Variants in FLT3 observed in about 807,000 individuals in gnomAD.
FLT3 encodes the protein receptor-type tyrosine-protein kinase FLT3.
Under a neutral mutation model 126.6 loss-of-function variants are expected in FLT3, and 46 were observed. That is an observed-to-expected ratio of 0.36 (90% CI 0.29 to 0.46). The LOEUF (loss-of-function observed/expected upper bound fraction) is 0.46, where lower values mean the gene tolerates loss of function less well. Ranked by LOEUF, FLT3 falls within the 20% of genes least tolerant of loss-of-function variation. The pLI, the probability that FLT3 is intolerant of heterozygous loss-of-function variation, is 1.00. For synonymous variants in FLT3, 404 were observed against 434.4 expected (o/e 0.93, Z 0.87); for missense variants, 1,069 against 1,190.3 (o/e 0.90, Z 1.50).
chr13:28,093,530 C>T (rs1314173952), intron 1 of FLT3, among the ~76,000 whole-genome samples: 2 of 152,168 alleles, frequency 1.3e-5, no homozygotes, highest in Non-Finnish European at 2.9e-5. Flanking sequence ...ATGATAGTTA[C>T]TCTAATCCTG....
rs560326882 is a variant in FLT3 at position 28,019,881 on chromosome 13, T to C, written c.2419-1292A>G. On this transcript the variant is annotated intron_variant, in intron 19 of 23. Transcript: ENST00000241453. ...CCCTCAGGGGCTTTGTGCACGAGCC[T>C]ACTCTCACTCCTGAGGGCTGCATCC... is the stretch of plus-strand genomic sequence containing the variant. Among the ~76,000 whole-genome samples, 17 of 152,236 alleles carry C rather than the reference T, an allele frequency of 1.1e-4. No homozygotes were observed. In the East Asian group the frequency reaches 3.3e-3, roughly 29 times the overall value.
intron 17 of FLT3, 110 bp downstream of exon 17, chr13:28,026,978 C>T: frequency 1.1e-6 from 1 of 881,434 alleles, no homozygotes; most frequent in Non-Finnish European, 1.8e-6. Flanking sequence ...GTTGCAGGAC[C>T]CACAGACTTC....
intron 1 of FLT3, among the ~76,000 whole-genome samples, chr13:28,089,896 G>T (rs955332510): frequency 6.6e-6 from 1 of 150,910 alleles, no homozygotes; most frequent in Non-Finnish European, 1.5e-5. Flanking sequence ...CACCATGCCC[G>T]GCTAAGTTTT....
intron 10 of FLT3, among the ~76,000 whole-genome samples, chr13:28,036,907 T>C (rs1054896195): frequency 6.6e-6 from 1 of 152,128 alleles, no homozygotes; most frequent in Non-Finnish European, 1.5e-5. Context: ...GCCCAGGAGT[T>C]TGAAGCTACA....
At chr13:28,030,388 C>G (rs191265646) in intron 15 of FLT3, among the ~76,000 whole-genome samples, 76 of 152,236 alleles carry the variant, frequency 5.0e-4, no homozygotes, top group South Asian at 1.9e-3. Context: ...TTTCATGTAC[C>G]ATTACCTCTT....
chr13:28,046,120 C>T (rs887347607), intron 9 of FLT3, among the ~76,000 whole-genome samples: 8 of 152,114 alleles, frequency 5.3e-5, no homozygotes, highest in African/African-American at 1.7e-4. Flanking sequence ...TCCAGCTCAA[C>T]ATGCCAGCAG....
chr13:28,085,610 T>C (rs1878626068), intron 1 of FLT3, among the ~76,000 whole-genome samples: 1 of 152,100 alleles, frequency 6.6e-6, no homozygotes, highest in Non-Finnish European at 1.5e-5. Context: ...TTTCAAGTTC[T>C]GTTATTAGGT....
intron 15 of FLT3, among the ~76,000 whole-genome samples, chr13:28,032,132 T>C (rs9512989): frequency 2.0e-5 from 3 of 152,056 alleles, no homozygotes; most frequent in Admixed American, 6.5e-5. Flanking sequence ...ATGTGGTTAT[T>C]TATTCACTGG....
rs55675449 is a variant in FLT3 at position 28,098,314 on chromosome 13, C to CAAAAAAAAAAA, written c.43+2143_43+2153dup. 6.6e-4 allele frequency among the ~76,000 whole-genome samples: 56 copies of CAAAAAAAAAAA among 85,288 alleles called. 2 individuals are homozygous for CAAAAAAAAAAA. Among genetic ancestry groups the CAAAAAAAAAAA allele is most frequent in the African/African-American group, 2.1e-3 (55 of 25,592 alleles). The allele number at this position is 85,288 out of a possible 152,430, so 56.0% of individuals were successfully genotyped here. A position where few individuals can be genotyped will look rare whatever the true frequency, so the allele number is the denominator to read the frequency against. ...TGGGTGACAGAGCAAGACTCCGTCT[C>CAAAAAAAAAAA]AAAAAAAAAAAAAAAAAAAAAAGTA... is the stretch of plus-strand genomic sequence containing the variant. On this transcript the variant is annotated intron_variant, in intron 1 of 23. Transcript: ENST00000241453.
rs1039108996 is a variant in FLT3, at chr13:28,083,432, T to C, written c.44-12820A>G. On this transcript the variant is annotated intron_variant, in intron 1 of 23. Coordinates refer to ENST00000241453, the MANE Select transcript of FLT3 (RefSeq NM_004119.3). ...CTAAGGATTGTTACATTTACACTCA[T>C]GGAAGTTATTGATCTATACCCTTCT... 3.3e-5 allele frequency among the ~76,000 whole-genome samples: 5 copies of C among 152,330 alleles called. No homozygotes were observed. The East Asian group carries it at 7.7e-4, about 24-fold the overall frequency.
At chr13:28,054,945 G>A (rs1286286064) in intron 4 of FLT3, among the ~76,000 whole-genome samples, 1 of 152,014 alleles carries the variant, frequency 6.6e-6, no homozygotes, top group Non-Finnish European at 1.5e-5. Context: ...CATTTTGTTC[G>A]TTTTTCTTAT....
intron 3 of FLT3, among the ~76,000 whole-genome samples, chr13:28,059,735 G>A (rs1876366184): frequency 6.6e-6 from 1 of 152,064 alleles, no homozygotes; most frequent in African/African-American, 2.4e-5. Flanking sequence ...GCCGAGGTGG[G>A]CAGATCAAGA....
intron 20 of FLT3, among the ~76,000 whole-genome samples, 165 bp from the exon 21 acceptor site, chr13:28,015,866 A>T (rs560180782): frequency 6.6e-6 from 1 of 152,274 alleles, no homozygotes; most frequent in East Asian, 1.9e-4. Flanking sequence ...TCAAATTAAC[A>T]TTCTAATAAT....
Position 28,049,498 on chromosome 13 carries a change from T to C in FLT3, c.922A>G (p.Thr308Ala), listed in dbSNP as rs866321206. 1 of 1,614,012 alleles carries C rather than the reference T, an allele frequency of 6.2e-7. No individual in the cohort carries two copies. The highest frequency in any genetic ancestry group is 1.3e-5 in the African/African-American group (1 of 75,060). The change falls in exon 8 of 24, where the codon ACT (threonine) becomes GCT (alanine). Residue 308 changes from threonine (T) to alanine (A), a missense_variant. Thr to Ala is a moderately conservative substitution (Grantham distance 58). Transcript: ENST00000241453. ...FEMSTYSTNRTMIRILFAFVS... is the reference protein window; with the variant it reads ...FEMSTYSTNRAMIRILFAFVS... ...AAAGCAAACAGAATCCGTATCATAG[T>C]TCTGTTTGTTGAATAGGTACTCATC...
intron 15 of FLT3, among the ~76,000 whole-genome samples, 179 bp from the exon 16 acceptor site, chr13:28,028,467 T>A (rs12427653): frequency 3.3e-5 from 5 of 151,734 alleles, no homozygotes; most frequent in Non-Finnish European, 2.9e-5. Flanking sequence ...GAGGCCGAGG[T>A]GGGTGGATCA....
chr13:28,070,841 C>G (rs1336917893), intron 1 of FLT3, among the ~76,000 whole-genome samples: 2 of 152,116 alleles, frequency 1.3e-5, no homozygotes, highest in Non-Finnish European at 2.9e-5. Flanking sequence ...TGGACATGTT[C>G]TATGCCTGTG....
At chr13:28,086,958 T>C (rs1470599790) in intron 1 of FLT3, among the ~76,000 whole-genome samples, 1 of 152,162 alleles carries the variant, frequency 6.6e-6, no homozygotes, top group Non-Finnish European at 1.5e-5. Flanking sequence ...TCTGAAGAAC[T>C]TTCTTTAACA....
At chr13:28,004,785 C>T (rs1182741152) in intron 23 of FLT3, among the ~76,000 whole-genome samples, 1 of 152,060 alleles carries the variant, frequency 6.6e-6, no homozygotes, top group Non-Finnish European at 1.5e-5. Context: ...TATTTTATTT[C>T]ATTATTGAGT....
At chr13:28,098,562 G>C (rs746644781) in intron 1 of FLT3, among the ~76,000 whole-genome samples, 1 of 152,136 alleles carries the variant, frequency 6.6e-6, no homozygotes, top group Non-Finnish European at 1.5e-5. Flanking sequence ...CCGTTTGACG[G>C]TATCTACCAA....
Sources: allele counts gnomAD v4.1 joint callset (sites outside exome capture counted in the v4.1 genomes callset), GRCh38; gene constraint gnomAD v4.1.1; transcripts MANE v1.5; gene names NCBI Gene and HGNC (gene_info 2026-07-23, HGNC 2026-07-21).